ZNF26: variants seen among roughly 807,000 people sequenced by gnomAD.
ZNF26 encodes the protein zinc finger protein 26, also known as epididymis luminal protein 179.
Under a neutral mutation model 54.9 loss-of-function variants are expected in ZNF26, and 32 were observed. That is an observed-to-expected ratio of 0.58 (90% CI 0.44 to 0.78). ZNF26 has a LOEUF of 0.78. Among genes scored for constraint, ZNF26 ranks in the 30% least tolerant of loss-of-function variants. ZNF26 has a pLI of 0.00. For synonymous variants in ZNF26, 221 were observed against 209.2 expected (o/e 1.06, Z -0.49); for missense variants, 524 against 634.0 (o/e 0.83, Z 1.86).
intron 1 of ZNF26, among the ~76,000 whole-genome samples, chr12:132,992,731 G>A (rs992427794): frequency 1.3e-5 from 2 of 152,174 alleles, no homozygotes; most frequent in African/African-American, 2.4e-5. Context: ...CTGCGCCATT[G>A]TAAAATTGAA....
chr12:132,989,234 T>C (rs1335188117), intron 1 of ZNF26, among the ~76,000 whole-genome samples: 1 of 152,052 alleles, frequency 6.6e-6, no homozygotes, highest in Non-Finnish European at 1.5e-5. Flanking sequence ...AAATGGAGTT[T>C]CACTGTGTTA....
chr12:133,024,311 CA>C lies in ZNF26; in HGVS notation c.*12831del, dbSNP rs1953676079. Reference sequence around the variant, plus strand: ...GGTTGCTGGTGAGAGCTTGAAGGAACACAAGGAAAGCATTATTGAAACATGG... The same window carrying C: ...GGTTGCTGGTGAGAGCTTGAAGGAACCAAGGAAAGCATTATTGAAACATGG... On this transcript the variant is annotated 3_prime_UTR_variant, in exon 4 of 4. Coordinates refer to ENST00000328654, the MANE Select transcript of ZNF26 (RefSeq NM_019591.4). 1 of 152,170 alleles carries C rather than the reference CA, an allele frequency of 6.6e-6. No homozygotes were observed. The highest frequency in any genetic ancestry group is 2.4e-5 in the African/African-American group (1 of 41,420). The allele number at this position is 152,170 out of a possible 1,614,324, so 9.4% of individuals were successfully genotyped here.
Position 133,011,012 on chromosome 12 carries a change from C to CCTT in ZNF26, c.1134_1136dup (p.Phe379dup). 1 of 1,614,130 alleles carries CCTT rather than the reference C, an allele frequency of 6.2e-7. No individual in the cohort carries two copies. ...TATCAATGCGGTGAATGTGGGAAAG[C>CCTT]CTTTGGTAGGAAGGAACAGCTCACT... On this transcript the variant is annotated inframe_insertion, in exon 4 of 4. Transcript: ENST00000328654.
At chr12:133,003,987 C>T (rs902312102) in intron 1 of ZNF26, among the ~76,000 whole-genome samples, 10 of 152,292 alleles carry the variant, frequency 6.6e-5, no homozygotes, top group Non-Finnish European at 1.5e-4. Context: ...TATCAGCTTT[C>T]ATTGATGTAG....
chr12:132,998,748 G>C (rs1953146498), intron 1 of ZNF26, among the ~76,000 whole-genome samples: 1 of 152,236 alleles, frequency 6.6e-6, no homozygotes, highest in South Asian at 2.1e-4. Context: ...AAAGCAGCCT[G>C]GTTATATCTG....
Position 133,026,689 on chromosome 12 carries a change from GATA to G in ZNF26, c.*15211_*15213del, listed in dbSNP as rs1299734788. 6.6e-6 allele frequency: 1 copy of G among 151,788 alleles called. No homozygotes were observed. The highest frequency in any genetic ancestry group is 2.4e-5 in the African/African-American group (1 of 41,298). The allele number at this position is 151,788 out of a possible 1,614,324, so 9.4% of individuals were successfully genotyped here. On this transcript the variant is annotated 3_prime_UTR_variant, in exon 4 of 4. Coordinates refer to ENST00000328654, the MANE Select transcript of ZNF26 (RefSeq NM_019591.4). ...TTACGGGCACCTGCCACCACGCCTG[GATA>G]ATGTTTGTATTTTTAGTAGAGGTGG...
chr12:133,015,689 A>G lies in ZNF26; in HGVS notation c.*4208A>G, dbSNP rs1953557400. 3 of 152,306 alleles carry G rather than the reference A, an allele frequency of 2.0e-5. No homozygotes were observed. The South Asian group carries it at 6.2e-4, about 32-fold the overall frequency. The allele number at this position is 152,306 out of a possible 1,614,324, so 9.4% of individuals were successfully genotyped here. A position where few individuals can be genotyped will look rare whatever the true frequency, so the allele number is the denominator to read the frequency against. On this transcript the variant is annotated 3_prime_UTR_variant, in exon 4 of 4. Transcript: ENST00000328654. ...AAACTATATAATAATAATACAGAAG[A>G]CAAATGTCAATGTTGCTGAAAAGCC... is the stretch of plus-strand genomic sequence containing the variant.
In ZNF26 at chr12:133,015,525, A is replaced by G. The variant is rs1279249462; in HGVS notation, c.*4044A>G. Reference sequence around the variant, plus strand: ...ATGAAAAAAAATAAGATGCTTTCCTATGGTCCCAGCTACTTGGGAGGCTGA... The same window carrying G: ...ATGAAAAAAAATAAGATGCTTTCCTGTGGTCCCAGCTACTTGGGAGGCTGA... On this transcript the variant is annotated 3_prime_UTR_variant, in exon 4 of 4. Coordinates refer to ENST00000328654, the MANE Select transcript of ZNF26 (RefSeq NM_019591.4). 2 of 146,180 alleles carry G rather than the reference A, an allele frequency of 1.4e-5. No homozygotes were observed. The highest frequency in any genetic ancestry group is 5.1e-5 in the African/African-American group (2 of 39,336). The allele number at this position is 146,180 out of a possible 1,614,324, so 9.1% of individuals were successfully genotyped here.
chr12:132,997,021 A>T (rs1405902551), intron 1 of ZNF26, among the ~76,000 whole-genome samples: 3 of 152,264 alleles, frequency 2.0e-5, no homozygotes, highest in African/African-American at 7.2e-5. Context: ...CATTACCCCC[A>T]GACCCAGTGC....
intron 1 of ZNF26, chr12:132,987,702 T>TA: frequency 3.0e-6 from 3 of 985,380 alleles, no homozygotes; most frequent in Non-Finnish European, 3.6e-6. Context: ...TGGAAATACA[T>TA]AAAGACACCT....
intron 1 of ZNF26, among the ~76,000 whole-genome samples, chr12:133,002,715 A>G (rs1343498920): frequency 1.3e-5 from 2 of 151,596 alleles, no homozygotes; most frequent in African/African-American, 2.4e-5. Context: ...CCTCCACCTC[A>G]TGGGTTCAAG....
intron 3 of ZNF26, among the ~76,000 whole-genome samples, chr12:133,008,861 A>G (rs1411033915): frequency 1.3e-5 from 2 of 151,768 alleles, no homozygotes; most frequent in Non-Finnish European, 2.9e-5. Flanking sequence ...TGCAGGCTGT[A>G]TGGGAAGCAT....
In ZNF26 at chr12:133,026,141, T is replaced by C. The variant is rs1201452759; in HGVS notation, c.*14660T>C. 1 of 152,152 alleles carries C rather than the reference T, an allele frequency of 6.6e-6. No individual in the cohort carries two copies. The highest frequency in any genetic ancestry group is 1.9e-4 in the East Asian group (1 of 5,190). The allele number at this position is 152,152 out of a possible 1,614,324, so 9.4% of individuals were successfully genotyped here. ...TTTTTTGAGATGCACTCTCACTCTT[T>C]CCCAGGCTGGAGTGCAGTGGCACGA... On this transcript the variant is annotated 3_prime_UTR_variant, in exon 4 of 4. Transcript: ENST00000328654.
At position 132,986,500 on chromosome 12, in the gene ZNF26, A is replaced by T; in HGVS notation, c.-341A>T. On this transcript the variant is annotated 5_prime_UTR_variant, in exon 1 of 4. Transcript: ENST00000328654. ...GGCGCGGAGCTAAGCGGCTCGGATT[A>T]TCCTGGGCAGACCAGAGACTTGACC... 2.5e-6 allele frequency: 1 copy of T among 399,470 alleles called. No homozygotes were observed. The highest frequency in any genetic ancestry group is 4.7e-6 in the Non-Finnish European group (1 of 214,150). The allele number at this position is 399,470 out of a possible 1,614,324, so 24.7% of individuals were successfully genotyped here.
At chr12:133,000,550 G>A (rs1002696992) in intron 1 of ZNF26, among the ~76,000 whole-genome samples, 4 of 150,492 alleles carry the variant, frequency 2.7e-5, no homozygotes, top group Non-Finnish European at 4.4e-5. Context: ...TCAGCCTCCC[G>A]AGTAGCTGGG....
intron 1 of ZNF26, among the ~76,000 whole-genome samples, chr12:132,994,528 A>G (rs1186804764): frequency 6.6e-6 from 1 of 152,198 alleles, no homozygotes; most frequent in Non-Finnish European, 1.5e-5. Context: ...CCTCGGAGGT[A>G]ATCAGTTTGA....
At chr12:132,993,817 T>A (rs1303325120) in intron 1 of ZNF26, among the ~76,000 whole-genome samples, 1 of 152,296 alleles carries the variant, frequency 6.6e-6, no homozygotes, top group African/African-American at 2.4e-5. Context: ...CTAGACATGA[T>A]GTACTGAGTA....
chr12:133,007,754 C>T (rs1036502982), intron 3 of ZNF26, among the ~76,000 whole-genome samples: 2 of 152,140 alleles, frequency 1.3e-5, no homozygotes, highest in Non-Finnish European at 2.9e-5. Context: ...GCAGGCATGC[C>T]CCTCTTTCCT....
chr12:132,991,595 G>A (rs988750039), intron 1 of ZNF26, among the ~76,000 whole-genome samples: 17 of 148,254 alleles, frequency 1.1e-4, no homozygotes, highest in Non-Finnish European at 2.4e-4. Flanking sequence ...CCTGGGCAAC[G>A]CAGAGACCTT....
Sources: gnomAD v4.1 joint callset for allele counts (sites outside exome capture counted in the v4.1 genomes callset) on GRCh38, gnomAD v4.1.1 for gene constraint, MANE v1.5 for transcripts, NCBI Gene and HGNC (gene_info 2026-07-23, HGNC 2026-07-21) for gene names.